The following FGF12 variants were observed in gnomAD, a reference collection of about 807,000 sequenced individuals.
FGF12 encodes fibroblast growth factor 12, also known as fibroblast growth factor 12B.
Under a neutral mutation model 23.6 loss-of-function variants are expected in FGF12, and 14 were observed. The observed-to-expected ratio is 0.59, with a 90% CI of 0.39 to 0.93. The LOEUF (loss-of-function observed/expected upper bound fraction) is 0.93. Among genes scored for constraint, FGF12 ranks in the 40% least tolerant of loss-of-function variants. The pLI, the probability that FGF12 is intolerant of heterozygous loss-of-function variation, is 0.00. For missense variants in FGF12, 175 were observed against 217.8 expected (o/e 0.80, Z 1.24); for synonymous variants, 62 against 77.3 (o/e 0.80, Z 1.04).
At chr3:192,460,693 T>C (rs191477565) in intron 2 of FGF12, among the ~76,000 whole-genome samples, 1 of 149,746 alleles carries the variant, frequency 6.7e-6, no homozygotes, top group African/African-American at 2.4e-5. Context: ...TATATATATA[T>C]ATATATATAT....
At chr3:192,209,937 CACTT>C (rs1426676832) in intron 4 of FGF12, among the ~76,000 whole-genome samples, 1 of 152,184 alleles carries the variant, frequency 6.6e-6, no homozygotes, top group African/African-American at 2.4e-5. Flanking sequence ...CTACCTGACT[CACTT>C]ACGTGCTCCT....
chr3:192,645,768 A>T (rs907076214), intron 2 of FGF12, among the ~76,000 whole-genome samples: 2 of 12,416 alleles, frequency 1.6e-4, no homozygotes, highest in Non-Finnish European at 3.6e-4. Flanking sequence ...CAAAACAGGT[A>T]AAAAAAAAAA....
intron 4 of FGF12, among the ~76,000 whole-genome samples, chr3:192,192,761 A>G (rs114243808): frequency 0.018 from 2,792 of 152,176 alleles, 93 homozygotes; most frequent in African/African-American, 0.064. Context: ...TTGTTGCATT[A>G]AGTCTGCCTT....
chr3:192,353,213 A>G (rs189119766), intron 3 of FGF12, among the ~76,000 whole-genome samples: 8 of 152,338 alleles, frequency 5.3e-5, no homozygotes, highest in Admixed American at 2.0e-4. Flanking sequence ...TTCTAGGAAT[A>G]CACTTGGTTA....
At chr3:192,558,117 A>AAAGGAT (rs1711864694) in intron 2 of FGF12, among the ~76,000 whole-genome samples, 2 of 151,840 alleles carry the variant, frequency 1.3e-5, no homozygotes, top group South Asian at 2.1e-4. Flanking sequence ...ACAAAATCAG[A>AAAGGAT]AAGGATCAAG....
At chr3:192,698,588 C>CTTTTTTGAATGA (rs968300331) in intron 2 of FGF12, among the ~76,000 whole-genome samples, 2 of 66,528 alleles carry the variant, frequency 3.0e-5, no homozygotes, top group African/African-American at 3.4e-4. Context: ...AGTGAGTAAA[C>CTTTTTTGAATGA]ATAGACTTCA....
chr3:192,651,321 T>A (rs1350396619), intron 2 of FGF12, among the ~76,000 whole-genome samples: 1 of 152,172 alleles, frequency 6.6e-6, no homozygotes, highest in Non-Finnish European at 1.5e-5. Flanking sequence ...CTTTCTGAAC[T>A]GCAGCTCCTC....
intron 2 of FGF12, among the ~76,000 whole-genome samples, chr3:192,682,716 G>A (rs1428421359): frequency 6.6e-6 from 1 of 152,168 alleles, no homozygotes; most frequent in East Asian, 1.9e-4. Flanking sequence ...CCACACCTGA[G>A]TTTGAGTTAA....
At chr3:192,624,743 G>A (rs1420649784) in intron 2 of FGF12, among the ~76,000 whole-genome samples, 2 of 152,058 alleles carry the variant, frequency 1.3e-5, no homozygotes, top group Non-Finnish European at 2.9e-5. Flanking sequence ...TGTATACAAT[G>A]ATTGTAAAAT....
chr3:192,411,721 C>A (rs1721205995), intron 2 of FGF12, among the ~76,000 whole-genome samples: 1 of 152,142 alleles, frequency 6.6e-6, no homozygotes, highest in Non-Finnish European at 1.5e-5. Flanking sequence ...TTTGGGGGCT[C>A]CCTGTCCTTG....
chr3:192,325,264 C>A (rs1716757973), intron 4 of FGF12, among the ~76,000 whole-genome samples: 1 of 151,942 alleles, frequency 6.6e-6, no homozygotes, highest in African/African-American at 2.4e-5. Context: ...AATAGATAAT[C>A]CTTTTCCAAG....
At chr3:192,724,212 T>C (rs1719138663) in intron 2 of FGF12, among the ~76,000 whole-genome samples, 2 of 152,174 alleles carry the variant, frequency 1.3e-5, no homozygotes, top group South Asian at 4.1e-4. Context: ...CTAGGTACTT[T>C]GTCAAAATTC....
intron 2 of FGF12, among the ~76,000 whole-genome samples, chr3:192,495,669 T>A (rs906454391): frequency 6.6e-6 from 1 of 152,130 alleles, no homozygotes; most frequent in South Asian, 2.1e-4. Flanking sequence ...CCAAATCCAA[T>A]AGCCCTCACC....
In FGF12 at chr3:192,336,544, T is replaced by A. The variant is rs1259911093; in HGVS notation, c.125-1080A>T. On this transcript the variant is annotated intron_variant, in intron 3 of 5. Transcript: ENST00000445105. The surrounding 1 kb of genome is among the most constrained non-coding windows in gnomAD (Gnocchi z 4.3). The stretch of plus-strand genomic sequence containing the variant: ...CAATCATATAGTTAGGCTCTATAGA[T>A]GGCAACATGGAGATGAATTAAGTAT... Among the ~76,000 whole-genome samples the A allele has an allele frequency of 6.6e-6, 1 of 151,544 alleles. No homozygotes were observed. The highest frequency in any genetic ancestry group is 1.5e-5 in the Non-Finnish European group (1 of 67,668).
intron 2 of FGF12, among the ~76,000 whole-genome samples, chr3:192,588,448 G>T (rs764734561): frequency 2.8e-5 from 4 of 141,828 alleles, no homozygotes; most frequent in Non-Finnish European, 6.3e-5. Context: ...GAACAAGAAA[G>T]AAATTCTTTT....
At chr3:192,667,163 C>A (rs1184662923) in intron 2 of FGF12, among the ~76,000 whole-genome samples, 1 of 152,108 alleles carries the variant, frequency 6.6e-6, no homozygotes, top group Non-Finnish European at 1.5e-5. Flanking sequence ...TTGAGAATTT[C>A]CCAACCTAGT....
intron 2 of FGF12, among the ~76,000 whole-genome samples, chr3:192,519,644 T>G (rs1560137603): frequency 6.6e-6 from 1 of 152,246 alleles, no homozygotes; most frequent in Non-Finnish European, 1.5e-5. Context: ...TAGCATCCAT[T>G]GACAGATCTT....
At chr3:192,538,748 A>C (rs981230411) in intron 2 of FGF12, among the ~76,000 whole-genome samples, 2 of 152,190 alleles carry the variant, frequency 1.3e-5, no homozygotes, top group African/African-American at 2.4e-5. Context: ...TATTTTAACA[A>C]TATTGATTCT....
intron 2 of FGF12, among the ~76,000 whole-genome samples, chr3:192,675,959 T>A (rs1560190889): frequency 1.3e-5 from 2 of 152,094 alleles, no homozygotes. Flanking sequence ...CCACACCAGG[T>A]GGTCAGACTC....
Sources: gnomAD v4.1 joint callset for allele counts (sites outside exome capture counted in the v4.1 genomes callset) on GRCh38, gnomAD v4.1.1 for gene constraint, Gnocchi (gnomAD v3.1) non-coding constraint, MANE v1.5 for transcripts, NCBI Gene and HGNC (gene_info 2026-07-23, HGNC 2026-07-21) for gene names.